The following SH2B2 variants were observed in gnomAD, a reference collection of about 807,000 sequenced individuals.
The protein encoded by SH2B2 is SH2B adaptor protein 2, also known as SH2B adapter protein 2.
Under a neutral mutation model 35.7 loss-of-function variants are expected in SH2B2, and 37 were observed. That is an observed-to-expected ratio of 1.04 (90% CI 0.80 to 1.36). The LOEUF (loss-of-function observed/expected upper bound fraction) is 1.36. Ranked by LOEUF, SH2B2 falls within the 40% of genes most tolerant of loss-of-function variation. SH2B2 has a pLI of 0.00. For missense variants in SH2B2, 852 were observed against 817.7 expected (o/e 1.04, Z -0.51); for synonymous variants, 383 against 376.4 (o/e 1.02, Z -0.20).
rs1482709102 is a variant in SH2B2 at position 102,286,976 on chromosome 7, G to GA, written c.-147dup. On this transcript the variant is annotated 5_prime_UTR_variant, in exon 1 of 9. Coordinates refer to ENST00000444095, the MANE Select transcript of SH2B2 (RefSeq NM_001359228.2). Reference sequence around the variant, plus strand: ...CGCAGGAGCCTTCGAGGCGGTGAACGAGGGAGGGAGCCCAGTCCGCCGCGG... The same window carrying GA: ...CGCAGGAGCCTTCGAGGCGGTGAACGAAGGGAGGGAGCCCAGTCCGCCGCGG... 2.0e-5 allele frequency: 3 copies of GA among 150,870 alleles called. No individual in the cohort carries two copies. Among genetic ancestry groups the GA allele is most frequent in the Non-Finnish European group, 4.4e-5 (3 of 67,644 alleles). 9.3% of individuals were successfully genotyped at this position (150,870 alleles called of 1,614,324 possible).
chr7:102,304,935 G>A (rs1793330862), intron 2 of SH2B2, among the ~76,000 whole-genome samples: 1 of 152,224 alleles, frequency 6.6e-6, no homozygotes, highest in Non-Finnish European at 1.5e-5. Flanking sequence ...GAAAGTTCCT[G>A]TCCTGGAGAC....
intron 3 of SH2B2, among the ~76,000 whole-genome samples, chr7:102,308,066 C>T (rs909907692): frequency 5.9e-5 from 9 of 152,196 alleles, no homozygotes; most frequent in South Asian, 2.1e-4. Context: ...CCACCGCGCC[C>T]GGCCCAGCAA....
chr7:102,317,529 C>T lies in SH2B2; in HGVS notation c.1395+134C>T, dbSNP rs145634494. The T allele has an allele frequency of 1.8e-5, 14 of 772,682 alleles. No homozygotes were observed. The African/African-American group carries it at 2.5e-4, about 14-fold the overall frequency. 47.9% of individuals were successfully genotyped at this position (772,682 alleles called of 1,614,324 possible). A position where few individuals can be genotyped will look rare whatever the true frequency, so the allele number is the denominator to read the frequency against. ...GGTGTGGCATGACTTCCCACGGGCCCCACTCACCCCAGCCATGCTCCGTGA... is the reference window on the plus strand; with the variant it reads ...GGTGTGGCATGACTTCCCACGGGCCTCACTCACCCCAGCCATGCTCCGTGA... On this transcript the variant is annotated intron_variant, in intron 7 of 8. Coordinates refer to ENST00000444095, the MANE Select transcript of SH2B2 (RefSeq NM_001359228.2).
Position 102,321,400 on chromosome 7 carries a change from C to T in SH2B2, c.1669C>T (p.Pro557Ser). 1.5e-6 allele frequency: 2 copies of T among 1,367,218 alleles called. No homozygotes were observed. Among genetic ancestry groups the T allele is most frequent in the Non-Finnish European group, 1.9e-6 (2 of 1,058,864 alleles). The allele number at this position is 1,367,218 out of a possible 1,614,324, so 84.7% of individuals were successfully genotyped here. A position where few individuals can be genotyped will look rare whatever the true frequency, so the allele number is the denominator to read the frequency against. Reference protein sequence around the residue: ...FSSLAAAACPPASPSDAAGAS... With the variant: ...FSSLAAAACPSASPSDAAGAS... ...CAGCCTCGCCGCGGCCGCCTGCCCGCCTGCCTCGCCCTCCGACGCCGCCGG... is the reference window on the plus strand; with the variant it reads ...CAGCCTCGCCGCGGCCGCCTGCCCGTCTGCCTCGCCCTCCGACGCCGCCGG... Residue 557 changes from proline (P) to serine (S), a missense_variant, in exon 9 of 9, where the codon CCT becomes TCT. Physicochemically the swap from Pro to Ser is moderately conservative, Grantham distance 74 (BLOSUM62 -1). This residue lies in a region of SH2B2 where 556 missense variants were observed against 514.5 expected (regional missense o/e 1.08). Coordinates refer to ENST00000444095, the MANE Select transcript of SH2B2 (RefSeq NM_001359228.2).
At chr7:102,314,793 A>G in intron 6 of SH2B2, 111 bp downstream of exon 6, 1 of 398,020 alleles carries the variant, frequency 2.5e-6, no homozygotes, top group Non-Finnish European at 4.4e-6. Flanking sequence ...AAGCTGTGAC[A>G]TCTCATCCTC....
At chr7:102,286,839 GGAGGCGCGCGCCTCGCGGGCGGA>G (rs1226109605), upstream of SH2B2, 6 of 40,840 alleles carry the variant, frequency 1.5e-4, no homozygotes, top group Admixed American at 2.2e-4. Context: ...GGCGGGGCCG[GGAGGCGCGCGCCTCGCGGGCGGA>G]GGGGCGCGCC....
chr7:102,309,355 CTTT>C (rs35826295), intron 4 of SH2B2: 5,084 of 180,684 alleles, frequency 0.028, no homozygotes, highest in South Asian at 0.049. Context: ...CTCTCTCTCT[CTTT>C]TTTTTTTTTT....
Position 102,321,693 on chromosome 7 carries a change from G to C in SH2B2, c.*63G>C. 1 of 1,062,792 alleles carries C rather than the reference G, an allele frequency of 9.4e-7. No individual in the cohort carries two copies. The highest frequency in any genetic ancestry group is 1.1e-6 in the Non-Finnish European group (1 of 878,920). The allele number at this position is 1,062,792 out of a possible 1,614,324, so 65.8% of individuals were successfully genotyped here. A position where few individuals can be genotyped will look rare whatever the true frequency, so the allele number is the denominator to read the frequency against. ...CAGTGAAGACACGATGTTATTAAAA[G>C]CCTGTTTTAGGGACTGCACCCGGCT... On this transcript the variant is annotated 3_prime_UTR_variant, in exon 9 of 9. Coordinates refer to ENST00000444095, the MANE Select transcript of SH2B2 (RefSeq NM_001359228.2).
At position 102,317,249 on chromosome 7, in the gene SH2B2, T is replaced by C; in HGVS notation, c.1249T>C (p.Trp417Arg). 1.9e-6 allele frequency: 3 copies of C among 1,613,254 alleles called. No homozygotes were observed. Among genetic ancestry groups the C allele is most frequent in the Non-Finnish European group, 2.5e-6 (3 of 1,179,600 alleles). ...CGAGCTGGAGCTATCCGACTACCCA[T>C]GGTTCCACGGGACACTGTCCCGGGT... ...EPELELSDYP[W>R]FHGTLSRVKA... The change falls in exon 7 of 9, where the codon TGG (tryptophan) becomes CGG (arginine). Residue 417 changes from tryptophan (W) to arginine (R), a missense_variant. Around this residue, in one of 3 missense-constraint regions of SH2B2, gnomAD observed 556 missense variants for 514.5 expected, o/e 1.08. Coordinates refer to ENST00000444095, the MANE Select transcript of SH2B2 (RefSeq NM_001359228.2).
In SH2B2 at chr7:102,301,268, G is replaced by C. The variant is rs1793178834; in HGVS notation, c.718G>C (p.Val240Leu). 1.2e-6 allele frequency: 2 copies of C among 1,604,010 alleles called. No individual in the cohort carries two copies. Among genetic ancestry groups the C allele is most frequent in the South Asian group, 2.2e-5 (2 of 89,846 alleles). ...GGAACGCTTCCGCCTGGAGTTCTTC[G>C]TGCCGCCCAAAGTGAGTTACCCCAT... ...AEERFRLEFF[V>L]PPKASRPKVS... The change falls in exon 2 of 9, where the codon GTG (valine) becomes CTG (leucine). Residue 240 changes from valine to leucine, a missense_variant. Coordinates refer to ENST00000444095, the MANE Select transcript of SH2B2 (RefSeq NM_001359228.2).
At chr7:102,317,062 A>C in intron 6 of SH2B2, 125 bp from the exon 7 acceptor site, 1 of 803,536 alleles carries the variant, frequency 1.2e-6, no homozygotes, top group South Asian at 2.2e-5. Flanking sequence ...AACTTTTTAA[A>C]CATTATTCCA....
intron 1 of SH2B2, among the ~76,000 whole-genome samples, chr7:102,294,117 A>G (rs1230860602): frequency 6.6e-6 from 1 of 152,254 alleles, no homozygotes; most frequent in East Asian, 1.9e-4. Context: ...TGCAGCCTCA[A>G]CTTTCTGGGT....
chr7:102,319,509 G>A (rs1793974993), intron 7 of SH2B2, among the ~76,000 whole-genome samples: 1 of 152,056 alleles, frequency 6.6e-6, no homozygotes, highest in African/African-American at 2.4e-5. Flanking sequence ...CAAAGTGCTG[G>A]GATTACAGGC....
At chr7:102,300,491 G>T (rs782588485) in intron 1 of SH2B2, 31 bp from the exon 2 acceptor site, 6 of 1,501,828 alleles carry the variant, frequency 4.0e-6, no homozygotes, top group Non-Finnish European at 5.3e-6. Context: ...TCACAGGCCT[G>T]AAAGTCACTG....
At chr7:102,317,151 C>T (rs9691917) in intron 6 of SH2B2, 36 bp from the exon 7 acceptor site, 5 of 1,494,920 alleles carry the variant, frequency 3.3e-6, no homozygotes, top group Admixed American at 2.0e-5. Flanking sequence ...CTTTCTCCTT[C>T]CCCCCATGTT....
rs1264282895 is a variant in SH2B2 at position 102,312,742 on chromosome 7, G to A, written c.924-1594G>A. ...CCGTTGCCCAAGCAGGAGGGCAGTGGGGCATGATCACAGCTCACTGCAGCC... is the reference window on the plus strand; with the variant it reads ...CCGTTGCCCAAGCAGGAGGGCAGTGAGGCATGATCACAGCTCACTGCAGCC... On this transcript the variant is annotated intron_variant, in intron 4 of 8. Transcript: ENST00000444095. 9.2e-5 allele frequency among the ~76,000 whole-genome samples: 14 copies of A among 152,068 alleles called. No homozygotes were observed. In the South Asian group the frequency reaches 2.7e-3, roughly 29 times the overall value.
chr7:102,300,875 G>A lies in SH2B2; in HGVS notation c.325G>A (p.Ala109Thr). The change falls in exon 2 of 9, where the codon GCG becomes ACG. Residue 109 changes from alanine (A) to threonine (T), a missense_variant. This residue lies in a region of SH2B2 where 294 missense variants were observed against 286.6 expected (regional missense o/e 1.03). Transcript: ENST00000444095. The stretch of plus-strand genomic sequence containing the variant: ...GCTCGCGGACACCTCTGCACTCAAG[G>A]CGGCGCCCTACGGCCACTCGCGGAG... Reference protein sequence around the residue: ...PELADTSALKAAPYGHSRSSE... With the variant: ...PELADTSALKTAPYGHSRSSE... 1 of 1,463,520 alleles carries A rather than the reference G, an allele frequency of 6.8e-7. No individual in the cohort carries two copies. The highest frequency in any genetic ancestry group is 9.0e-7 in the Non-Finnish European group (1 of 1,110,204). The allele number at this position is 1,463,520 out of a possible 1,614,324, so 90.7% of individuals were successfully genotyped here.
chr7:102,300,946 C>A lies in SH2B2; in HGVS notation c.396C>A (p.Arg132=). The A allele has an allele frequency of 6.7e-7, 1 of 1,488,598 alleles. No individual in the cohort carries two copies. Among genetic ancestry groups the A allele is most frequent in the Admixed American group, 2.3e-5 (1 of 42,856 alleles). 92.2% of individuals were successfully genotyped at this position (1,488,598 alleles called of 1,614,324 possible). A position where few individuals can be genotyped will look rare whatever the true frequency, so the allele number is the denominator to read the frequency against. ...ACGCGGCCACCAAGGCCCGCGTTCG[C>A]AAGGGCTTCTCGCTGCGCAACATGA... ...STHAATKARV[R]KGFSLRNMSL... The change falls in exon 2 of 9, where the codon CGC becomes CGA. Residue 132 remains arginine (R), a synonymous_variant. Transcript: ENST00000444095.
At chr7:102,316,093 A>T (rs1392314196) in intron 6 of SH2B2, among the ~76,000 whole-genome samples, 2 of 151,940 alleles carry the variant, frequency 1.3e-5, no homozygotes, top group Non-Finnish European at 2.9e-5. Context: ...TAGTCTGGGC[A>T]ACAAGACTCT....
Sources: gnomAD v4.1 joint callset for allele counts (sites outside exome capture counted in the v4.1 genomes callset) on GRCh38, gnomAD v4.1.1 for gene constraint, gnomAD v4.1.1 regional missense constraint, MANE v1.5 for transcripts, NCBI Gene and HGNC (gene_info 2026-07-23, HGNC 2026-07-21) for gene names.